The following CRY1 variants were observed in gnomAD, a reference collection of about 807,000 sequenced individuals.
CRY1 encodes cryptochrome circadian regulator 1.
A neutral mutation model predicts 76.0 loss-of-function variants in CRY1; 45 were observed. The ratio of observed to expected loss-of-function variants is 0.59; its 90% CI spans 0.47 to 0.76. The LOEUF (loss-of-function observed/expected upper bound fraction) is 0.76, where lower values mean the gene tolerates loss of function less well. CRY1 is among the 30% of genes least tolerant of loss of function. The pLI is 0.00. For missense variants in CRY1, 587 were observed against 716.4 expected, an observed-to-expected ratio of 0.82 and a Z score of 2.06; for synonymous variants, 248 against 244.0, an observed-to-expected ratio of 1.02 and a Z score of -0.15.
chr12:107,077,547 C>T (rs1455251356), intron 1 of CRY1, among the ~76,000 whole-genome samples: 1 of 152,170 alleles, frequency 6.6e-6, no homozygotes, highest in African/African-American at 2.4e-5. Flanking sequence ...GTCTGTCATT[C>T]AAAGAATTAC....
chr12:107,085,001 G>C (rs1335722457), intron 1 of CRY1, among the ~76,000 whole-genome samples: 3 of 150,970 alleles, frequency 2.0e-5, no homozygotes, highest in African/African-American at 7.3e-5. Context: ...TCAAAAAGTG[G>C]GTGAAGGATA....
chr12:106,995,335 G>A (rs1329921277), intron 10 of CRY1, among the ~76,000 whole-genome samples: 1 of 152,148 alleles, frequency 6.6e-6, no homozygotes, highest in African/African-American at 2.4e-5. Context: ...TTTTCATGAG[G>A]ATGCAGGACA....
intron 2 of CRY1, among the ~76,000 whole-genome samples, chr12:107,009,438 C>G (rs1452163741): frequency 6.6e-6 from 1 of 151,544 alleles, no homozygotes; most frequent in Non-Finnish European, 1.5e-5. Context: ...ACTCAGGAGG[C>G]TGAGGCAGGA....
chr12:107,019,813 C>T (rs771486087), intron 2 of CRY1, among the ~76,000 whole-genome samples: 3 of 151,826 alleles, frequency 2.0e-5, no homozygotes, highest in Admixed American at 1.3e-4. Context: ...CTTAGCTACT[C>T]GATCCTGTAG....
intron 1 of CRY1, among the ~76,000 whole-genome samples, chr12:107,081,136 T>C (rs1953320164): frequency 1.3e-5 from 2 of 152,118 alleles, no homozygotes; most frequent in African/African-American, 4.8e-5. Flanking sequence ...AGTAAGGATG[T>C]AGGCACATTT....
chr12:107,085,702 C>T (rs76682600), intron 1 of CRY1, among the ~76,000 whole-genome samples: 12 of 152,150 alleles, frequency 7.9e-5, no homozygotes, highest in Admixed American at 4.6e-4. Flanking sequence ...GGACAAATAC[C>T]TAATGCATGT....
chr12:107,028,690 T>TTAAA (rs1952642748), intron 1 of CRY1, among the ~76,000 whole-genome samples: 2 of 152,288 alleles, frequency 1.3e-5, no homozygotes, highest in Admixed American at 1.3e-4. Context: ...AGACAATGAA[T>TTAAA]TAAAACTCAG....
intron 1 of CRY1, among the ~76,000 whole-genome samples, chr12:107,054,564 T>C (rs1373562980): frequency 6.6e-6 from 1 of 150,772 alleles, no homozygotes; most frequent in African/African-American, 2.4e-5. Context: ...ACGAAAGGCT[T>C]CAATTAATTA....
chr12:106,995,415 A>T (rs913953098), intron 10 of CRY1, among the ~76,000 whole-genome samples: 4 of 152,190 alleles, frequency 2.6e-5, no homozygotes, highest in Admixed American at 2.0e-4. Context: ...CATCTGACTT[A>T]AAAAAGCATT....
chr12:107,090,861 T>C (rs757620398), intron 1 of CRY1, among the ~76,000 whole-genome samples: 1 of 151,894 alleles, frequency 6.6e-6, no homozygotes, highest in Non-Finnish European at 1.5e-5. Context: ...ACTTAATGAC[T>C]TAATGAAAGA....
At chr12:106,998,935 G>A (rs1301469676) in intron 7 of CRY1, among the ~76,000 whole-genome samples, 3 of 151,720 alleles carry the variant, frequency 2.0e-5, no homozygotes, top group East Asian at 1.9e-4. Flanking sequence ...CCAGCTACTC[G>A]GGAGGTTGAG....
At chr12:107,060,815 A>G (rs1285209399) in intron 1 of CRY1, among the ~76,000 whole-genome samples, 1 of 152,048 alleles carries the variant, frequency 6.6e-6, no homozygotes, top group Non-Finnish European at 1.5e-5. Flanking sequence ...CGTCTCTACT[A>G]AAAATACAAA....
intron 2 of CRY1, among the ~76,000 whole-genome samples, chr12:107,010,098 A>C (rs1485100898): frequency 6.6e-6 from 1 of 151,324 alleles, no homozygotes; most frequent in Non-Finnish European, 1.5e-5. Flanking sequence ...TTTTCTTCTT[A>C]TGAGAGTTCT....
chr12:107,023,995 A>G (rs1952583423), intron 1 of CRY1, among the ~76,000 whole-genome samples: 1 of 152,246 alleles, frequency 6.6e-6, no homozygotes, highest in African/African-American at 2.4e-5. Context: ...GCTTGGCAAG[A>G]AGAGTTACTA....
At chr12:107,033,418 G>T (rs1422683184) in intron 1 of CRY1, among the ~76,000 whole-genome samples, 2 of 152,162 alleles carry the variant, frequency 1.3e-5, no homozygotes, top group Admixed American at 1.3e-4. Flanking sequence ...TATAAGGTTA[G>T]ATTTACCTTG....
At chr12:107,091,052 T>A (rs1953465795) in intron 1 of CRY1, among the ~76,000 whole-genome samples, 1 of 152,018 alleles carries the variant, frequency 6.6e-6, no homozygotes, top group South Asian at 2.1e-4. Context: ...GTCCTTTTTT[T>A]TTTTTCTTGC....
intron 1 of CRY1, among the ~76,000 whole-genome samples, chr12:107,046,272 G>A (rs1212834969): frequency 1.4e-5 from 2 of 145,366 alleles, no homozygotes; most frequent in Non-Finnish European, 3.0e-5. Context: ...CAGGCTGGGT[G>A]ACAGAGTGAG....
At chr12:106,996,216 T>C (rs1952231639) in intron 10 of CRY1, among the ~76,000 whole-genome samples, 1 of 152,178 alleles carries the variant, frequency 6.6e-6, no homozygotes, top group Admixed American at 6.5e-5. Context: ...AGCAAGAACA[T>C]GAGGTGTTTG....
At chr12:107,003,767 A>ATGT (rs1299564967) in intron 3 of CRY1, among the ~76,000 whole-genome samples, 3 of 152,096 alleles carry the variant, frequency 2.0e-5, no homozygotes, top group African/African-American at 7.2e-5. Flanking sequence ...ATGATAGATT[A>ATGT]CATATAGTAA....
Sources: gnomAD v4.1 joint callset for allele counts (sites outside exome capture counted in the v4.1 genomes callset) on GRCh38, gnomAD v4.1.1 for gene constraint, MANE v1.5 for transcripts, NCBI Gene and HGNC (gene_info 2026-07-23, HGNC 2026-07-21) for gene names.